NDUFS1: variants seen among roughly 807,000 people sequenced by gnomAD.
NDUFS1 encodes the protein NADH:ubiquinone oxidoreductase core subunit S1.
In NDUFS1, 61 loss-of-function variants were observed where a neutral mutation model predicts 84.4. The ratio of observed to expected loss-of-function variants is 0.72; its 90% CI spans 0.59 to 0.89. NDUFS1 has a LOEUF of 0.89. Among genes scored for constraint, NDUFS1 ranks in the 40% least tolerant of loss-of-function variants. The probability of loss-of-function intolerance (pLI) is 0.00; values close to 1 mark genes in which losing one functional copy is unlikely to be tolerated. For missense variants in NDUFS1, 891 were observed against 890.0 expected (o/e 1.00, Z -0.01); for synonymous variants, 275 against 290.0 (o/e 0.95, Z 0.53).
intron 1 of NDUFS1, among the ~76,000 whole-genome samples, chr2:206,157,371 C>G (rs563590995): frequency 1.3e-5 from 2 of 152,188 alleles, no homozygotes; most frequent in South Asian, 4.2e-4. Context: ...TAGTACCTAC[C>G]AGACTGTAAG....
At chr2:206,147,497 A>G (rs1396441167) in intron 7 of NDUFS1, 34 bp downstream of exon 7, 12 of 1,576,674 alleles carry the variant, frequency 7.6e-6, no homozygotes, top group Non-Finnish European at 1.7e-6. Flanking sequence ...ATACAATTAT[A>G]TTCTATAATA....
chr2:206,142,028 G>C lies in NDUFS1; in HGVS notation c.1175C>G (p.Ala392Gly). Reference protein sequence around the residue: ...RSNYLLNTTIAGVEEADVVLL... With the variant: ...RSNYLLNTTIGGVEEADVVLL... ...AACAACATCTGCCTCTTCCACACCA[G>C]CAATTGTAGTATTAAGAAGATAATT... The change falls in exon 12 of 19, where the codon GCT becomes GGT. Residue 392 changes from alanine (A) to glycine (G), a missense_variant. Coordinates refer to ENST00000233190, the MANE Select transcript of NDUFS1 (RefSeq NM_005006.7). 2 of 1,606,330 alleles carry C rather than the reference G, an allele frequency of 1.2e-6. No individual in the cohort carries two copies. The highest frequency in any genetic ancestry group is 1.7e-6 in the Non-Finnish European group (2 of 1,172,994).
intron 5 of NDUFS1, among the ~76,000 whole-genome samples, chr2:206,148,217 G>A (rs919628578): frequency 6.6e-6 from 1 of 152,134 alleles, no homozygotes; most frequent in Non-Finnish European, 1.5e-5. Context: ...GAGCCACTGT[G>A]CCAGGCCCAC....
intron 13 of NDUFS1, among the ~76,000 whole-genome samples, chr2:206,135,456 C>T (rs370319115): frequency 6.6e-6 from 1 of 151,938 alleles, no homozygotes; most frequent in Non-Finnish European, 1.5e-5. Context: ...GGGCAGATCA[C>T]GAGGTCAGGA....
At chr2:206,151,744 C>A (rs925305985) in intron 3 of NDUFS1, among the ~76,000 whole-genome samples, 1 of 152,148 alleles carries the variant, frequency 6.6e-6, no homozygotes, top group Non-Finnish European at 1.5e-5. Flanking sequence ...GGATATATTC[C>A]TATGAATATT....
chr2:206,143,977 A>C (rs770203973), intron 10 of NDUFS1, 41 bp downstream of exon 10: 2 of 1,489,432 alleles, frequency 1.3e-6, no homozygotes, highest in African/African-American at 2.8e-5. Flanking sequence ...GTTTCTTGAT[A>C]ATCACAAACA....
At chr2:206,156,978 G>A (rs149633576) in intron 1 of NDUFS1, among the ~76,000 whole-genome samples, 32 of 152,334 alleles carry the variant, frequency 2.1e-4, no homozygotes, top group Non-Finnish European at 1.0e-4. Flanking sequence ...TGTGTTTTGA[G>A]ACAGAGTCTC....
Position 206,144,145 on chromosome 2 carries a change from A to C in NDUFS1, c.873-13T>G, listed in dbSNP as rs1431450286. On this transcript the variant is annotated splice_polypyrimidine_tract_variant and intron_variant, in intron 9 of 18. Transcript: ENST00000233190. ...ATCATAGGCAAATCTAGAAAACAGA[A>C]ATTACACCATTGTGGAATCTTGCTA... is the stretch of plus-strand genomic sequence containing the variant. 6.4e-7 allele frequency: 1 copy of C among 1,565,472 alleles called. No homozygotes were observed. Among genetic ancestry groups the C allele is most frequent in the African/African-American group, 1.4e-5 (1 of 73,930 alleles).
intron 13 of NDUFS1, 86 bp from the exon 14 acceptor site, chr2:206,133,191 G>T: frequency 8.8e-7 from 1 of 1,133,200 alleles, no homozygotes; most frequent in Non-Finnish European, 1.3e-6. Flanking sequence ...AATATAGGTT[G>T]TCCCAAGTCT....
chr2:206,141,812 AAAAT>A, intron 12 of NDUFS1, 125 bp downstream of exon 12: 6 of 854,150 alleles, frequency 7.0e-6, no homozygotes, highest in South Asian at 1.7e-5. Flanking sequence ...AAAAAAAAAA[AAAAT>A]TGTCTTCCAG....
chr2:206,152,703 CTTT>C (rs71034411), intron 2 of NDUFS1, among the ~76,000 whole-genome samples, 193 bp from the exon 3 acceptor site: 11 of 121,232 alleles, frequency 9.1e-5, no homozygotes, highest in Admixed American at 1.8e-4. Context: ...CTTTCTTCTT[CTTT>C]TTTTTTTTTT....
intron 13 of NDUFS1, among the ~76,000 whole-genome samples, chr2:206,133,990 A>T (rs1242469949): frequency 6.6e-6 from 1 of 152,146 alleles, no homozygotes; most frequent in African/African-American, 2.4e-5. Flanking sequence ...AAAACAAAAC[A>T]AAACAAAACG....
At chr2:206,131,545 T>C (rs1691510929) in intron 14 of NDUFS1, among the ~76,000 whole-genome samples, 1 of 152,154 alleles carries the variant, frequency 6.6e-6, no homozygotes, top group Non-Finnish European at 1.5e-5. Context: ...CTCGTATCTG[T>C]AATCCCAGCA....
At chr2:206,149,963 T>G (rs562124111) in intron 3 of NDUFS1, 38 bp from the exon 4 acceptor site, 135 of 1,302,636 alleles carry the variant, frequency 1.0e-4, no homozygotes, top group Non-Finnish European at 1.4e-4. Context: ...AAAAAAGCAT[T>G]AGAATAACCT....
chr2:206,137,871 G>T lies in NDUFS1; in HGVS notation c.1392+614C>A, dbSNP rs539811644. 1.2e-3 allele frequency among the ~76,000 whole-genome samples: 180 copies of T among 152,222 alleles called. 1 individual carries two copies. Among genetic ancestry groups the T allele is most frequent in the African/African-American group, 4.2e-3 (175 of 41,534 alleles). The stretch of plus-strand genomic sequence containing the variant: ...GAAGTTAAAAGTGCAATTCTTTCAG[G>T]TTTACTTTGATTTCTTTTCAGATAA... On this transcript the variant is annotated intron_variant, in intron 13 of 18. Coordinates refer to ENST00000233190, the MANE Select transcript of NDUFS1 (RefSeq NM_005006.7).
intron 18 of NDUFS1, 127 bp from the exon 19 acceptor site, chr2:206,124,403 A>AT (rs1405865015): frequency 1.4e-6 from 1 of 720,820 alleles, no homozygotes; most frequent in Non-Finnish European, 2.4e-6. Flanking sequence ...ATATATAATT[A>AT]TATGTAACCA....
chr2:206,152,703 CTTTTTT>C (rs71034411), intron 2 of NDUFS1, among the ~76,000 whole-genome samples, 193 bp from the exon 3 acceptor site: 5 of 121,254 alleles, frequency 4.1e-5, no homozygotes, highest in East Asian at 2.3e-4. Context: ...CTTTCTTCTT[CTTTTTT>C]TTTTTTTTTT....
chr2:206,144,070 C>T lies in NDUFS1; in HGVS notation c.935G>A (p.Gly312Glu), dbSNP rs1194059527. 1 of 1,614,092 alleles carries T rather than the reference C, an allele frequency of 6.2e-7. No individual in the cohort carries two copies. The highest frequency in any genetic ancestry group is 1.7e-5 in the Admixed American group (1 of 60,022). ...CTCCCAAGAAGTATAGGTTAAAAGC[C>T]CTTTTTCATTTCTGACCATTGGCTC... ...LTEPMVRNEK[G>E]LLTYTSWEDA... Residue 312 changes from glycine (G) to glutamate (E), a missense_variant, in exon 10 of 19, where the codon GGG (glycine) becomes GAG (glutamate). Transcript: ENST00000233190.
chr2:206,141,992 C>A lies in NDUFS1; in HGVS notation c.1211G>T (p.Gly404Val), dbSNP rs2105966942. 2 of 1,610,972 alleles carry A rather than the reference C, an allele frequency of 1.2e-6. No homozygotes were observed. Among genetic ancestry groups the A allele is most frequent in the Non-Finnish European group, 1.7e-6 (2 of 1,177,288 alleles). Reference protein sequence around the residue: ...VEEADVVLLVGTNPRFEAPLF... With the variant: ...VEEADVVLLVVTNPRFEAPLF... Reference sequence around the variant, plus strand: ...TGGTGCCTCAAAACGTGGGTTTGTACCAACCAGAAGAACAACATCTGCCTC... The same window carrying A: ...TGGTGCCTCAAAACGTGGGTTTGTAACAACCAGAAGAACAACATCTGCCTC... The change falls in exon 12 of 19, where the codon GGT (glycine) becomes GTT (valine). Residue 404 changes from glycine to valine, a missense_variant. Gly to Val is a moderately radical substitution (Grantham distance 109). Transcript: ENST00000233190.
Sources: allele counts gnomAD v4.1 joint callset (sites outside exome capture counted in the v4.1 genomes callset), GRCh38; gene constraint gnomAD v4.1.1; transcripts MANE v1.5; gene names NCBI Gene and HGNC (gene_info 2026-07-23, HGNC 2026-07-21).